The following NELL1 variants were observed in gnomAD, a reference collection of about 807,000 sequenced individuals.
NELL1 encodes the protein protein kinase C-binding protein NELL1.
Under a neutral mutation model 107.4 loss-of-function variants are expected in NELL1, and 76 were observed. The ratio of observed to expected loss-of-function variants is 0.71; its 90% CI spans 0.59 to 0.86. The LOEUF (loss-of-function observed/expected upper bound fraction) is 0.86. Among genes scored for constraint, NELL1 ranks in the 40% least tolerant of loss-of-function variants. The probability of loss-of-function intolerance (pLI) is 0.00; values close to 1 mark genes in which losing one functional copy is unlikely to be tolerated. For synonymous variants in NELL1, 353 were observed against 341.2 expected, an observed-to-expected ratio of 1.03 and a Z score of -0.38; for missense variants, 1,024 against 1,005.5, an observed-to-expected ratio of 1.02 and a Z score of -0.25.
At chr11:20,701,827 G>A (rs1255133368) in intron 2 of NELL1, among the ~76,000 whole-genome samples, 2 of 152,042 alleles carry the variant, frequency 1.3e-5, no homozygotes, top group Non-Finnish European at 2.9e-5. Context: ...GTAGATGTGC[G>A]GTATTATTTC....
intron 5 of NELL1, among the ~76,000 whole-genome samples, chr11:20,906,397 C>A (rs536268663): frequency 6.6e-6 from 1 of 152,124 alleles, no homozygotes; most frequent in Non-Finnish European, 1.5e-5. Context: ...GATGGCTTCA[C>A]TGGTGAATTG....
intron 2 of NELL1, among the ~76,000 whole-genome samples, chr11:20,783,474 A>G (rs1856891143): frequency 6.6e-6 from 1 of 152,138 alleles, no homozygotes; most frequent in African/African-American, 2.4e-5. Flanking sequence ...GGGAGTGGGG[A>G]ATGGTGCCTG....
chr11:21,091,524 A>G (rs1212224059), intron 12 of NELL1, among the ~76,000 whole-genome samples: 1 of 152,194 alleles, frequency 6.6e-6, no homozygotes, highest in African/African-American at 2.4e-5. Context: ...AGGGAAAATG[A>G]TCATTCTAGG....
chr11:20,841,174 A>T (rs535521128), intron 3 of NELL1, among the ~76,000 whole-genome samples: 25 of 152,302 alleles, frequency 1.6e-4, no homozygotes, highest in South Asian at 2.1e-4. Context: ...GAAGTCATTT[A>T]TAGACCCAGA....
At chr11:20,878,229 G>A (rs190007191) in intron 4 of NELL1, among the ~76,000 whole-genome samples, 1,871 of 151,646 alleles carry the variant, frequency 0.012, 11 homozygotes, top group South Asian at 0.036. Context: ...GCATGGTGGC[G>A]GGTGCCTGTG....
chr11:20,793,037 A>G (rs1857105173), intron 3 of NELL1, among the ~76,000 whole-genome samples: 1 of 151,978 alleles, frequency 6.6e-6, no homozygotes, highest in African/African-American at 2.4e-5. Context: ...AATTAGATGT[A>G]AATAATTACA....
At chr11:21,116,512 T>C (rs1304759914) in intron 13 of NELL1, among the ~76,000 whole-genome samples, 2 of 152,022 alleles carry the variant, frequency 1.3e-5, no homozygotes. Flanking sequence ...AGATGCTTAG[T>C]AGGAATTTCA....
chr11:20,835,679 C>G (rs947318130), intron 3 of NELL1, among the ~76,000 whole-genome samples: 1 of 152,104 alleles, frequency 6.6e-6, no homozygotes, highest in Non-Finnish European at 1.5e-5. Context: ...TTGGAAAAAA[C>G]GTTCTTTTCT....
At chr11:20,735,204 G>A (rs538931117) in intron 2 of NELL1, among the ~76,000 whole-genome samples, 14 of 152,258 alleles carry the variant, frequency 9.2e-5, no homozygotes, top group South Asian at 2.1e-4. Context: ...GAGGGTTGAC[G>A]GAGATGAGGA....
intron 2 of NELL1, among the ~76,000 whole-genome samples, chr11:20,694,599 T>C (rs1305674267): frequency 6.6e-6 from 1 of 152,110 alleles, no homozygotes; most frequent in Non-Finnish European, 1.5e-5. Context: ...ATTTCTGGAT[T>C]CTCTATTCTG....
chr11:20,886,349 A>T (rs939068695), intron 5 of NELL1, among the ~76,000 whole-genome samples: 1 of 152,186 alleles, frequency 6.6e-6, no homozygotes, highest in African/African-American at 2.4e-5. Context: ...TGAAATTTTA[A>T]GACAGTCTTG....
chr11:20,846,341 C>T (rs1848701228), intron 3 of NELL1, among the ~76,000 whole-genome samples: 1 of 152,134 alleles, frequency 6.6e-6, no homozygotes, highest in African/African-American at 2.4e-5. Flanking sequence ...CGCTGAGTTT[C>T]CTGATATATT....
chr11:21,005,658 G>A (rs1852313197), intron 12 of NELL1, among the ~76,000 whole-genome samples: 2 of 152,158 alleles, frequency 1.3e-5, no homozygotes, highest in Admixed American at 1.3e-4. Flanking sequence ...GAGGTTAAAA[G>A]CTTTCTGATG....
chr11:20,998,082 C>T (rs1259740625), intron 12 of NELL1, among the ~76,000 whole-genome samples: 1 of 152,158 alleles, frequency 6.6e-6, no homozygotes, highest in African/African-American at 2.4e-5. Flanking sequence ...TTTCTTGTTA[C>T]AATCTTCTTA....
At chr11:21,295,118 C>G (rs1849347620) in intron 14 of NELL1, among the ~76,000 whole-genome samples, 1 of 151,982 alleles carries the variant, frequency 6.6e-6, no homozygotes, top group Admixed American at 6.6e-5. Flanking sequence ...AATTGGTTTA[C>G]AAATATTAAT....
intron 17 of NELL1, among the ~76,000 whole-genome samples, chr11:21,564,938 C>A (rs1225020783): frequency 1.3e-5 from 2 of 151,878 alleles, no homozygotes; most frequent in African/African-American, 4.8e-5. Flanking sequence ...GTATCTCTTT[C>A]TGGCAAGGAG....
chr11:20,824,666 C>T (rs1404591173), intron 3 of NELL1, among the ~76,000 whole-genome samples: 1 of 151,270 alleles, frequency 6.6e-6, no homozygotes, highest in South Asian at 2.1e-4. Context: ...GGAAATGGAG[C>T]AAATATGACT....
intron 15 of NELL1, among the ~76,000 whole-genome samples, chr11:21,411,144 G>A (rs1011839912): frequency 3.3e-5 from 5 of 152,022 alleles, no homozygotes; most frequent in Non-Finnish European, 2.9e-5. Flanking sequence ...TAAAGAAGTA[G>A]TATCTAATTT....
intron 14 of NELL1, among the ~76,000 whole-genome samples, chr11:21,288,858 A>G (rs934513905): frequency 3.9e-5 from 6 of 152,116 alleles, no homozygotes; most frequent in African/African-American, 1.4e-4. Context: ...AATGATTGTC[A>G]GTCAGGGGGC....
Sources: allele counts gnomAD v4.1 joint callset (sites outside exome capture counted in the v4.1 genomes callset), GRCh38; gene constraint gnomAD v4.1.1; transcripts MANE v1.5; gene names NCBI Gene and HGNC (gene_info 2026-07-23, HGNC 2026-07-21).